The following SUGCT variants were observed in gnomAD, a reference collection of about 807,000 sequenced individuals.
The protein encoded by SUGCT is succinyl-CoA:glutarate-CoA transferase, also known as succinyl-CoA:glutarate CoA-transferase.
A neutral mutation model predicts 55.0 loss-of-function variants in SUGCT; 41 were observed. The ratio of observed to expected loss-of-function variants is 0.74; its 90% confidence interval spans 0.58 to 0.97. The LOEUF (loss-of-function observed/expected upper bound fraction) is 0.97. SUGCT is among the 50% of genes least tolerant of loss of function. The probability of loss-of-function intolerance (pLI) is 0.00; values close to 1 mark genes in which losing one functional copy is unlikely to be tolerated. For synonymous variants in SUGCT, 187 were observed against 200.4 expected (o/e 0.93, Z 0.56); for missense variants, 568 against 547.8 (o/e 1.04, Z -0.37).
At chr7:40,143,558 G>T (rs973958231) in intron 1 of SUGCT, among the ~76,000 whole-genome samples, 1 of 152,238 alleles carries the variant, frequency 6.6e-6, no homozygotes, top group Non-Finnish European at 1.5e-5. Flanking sequence ...CCTGCGGTGC[G>T]CACAAGCATA....
intron 11 of SUGCT, among the ~76,000 whole-genome samples, chr7:40,464,827 G>A (rs1790012630): frequency 6.6e-6 from 1 of 152,220 alleles, no homozygotes; most frequent in East Asian, 1.9e-4. Flanking sequence ...GTAGTGAGCT[G>A]CAGCTCTCAG....
At chr7:40,589,962 G>T (rs774138304) in intron 12 of SUGCT, among the ~76,000 whole-genome samples, 29 of 152,034 alleles carry the variant, frequency 1.9e-4, no homozygotes, top group Non-Finnish European at 2.4e-4. Context: ...AAGTTTTGTG[G>T]CAGCCTTGTG....
At chr7:40,696,054 CTT>C (rs1784922528) in intron 12 of SUGCT, among the ~76,000 whole-genome samples, 1 of 152,186 alleles carries the variant, frequency 6.6e-6, no homozygotes, top group African/African-American at 2.4e-5. Flanking sequence ...TCCTACAGTT[CTT>C]TTCCCGTTTC....
At chr7:40,986,462 A>T in the SUGCT span, among the ~76,000 whole-genome samples, 1 of 152,228 alleles carries the variant, frequency 6.6e-6, no homozygotes. Context: ...TCTATTACAC[A>T]GTAAAACAAA....
intron 11 of SUGCT, among the ~76,000 whole-genome samples, chr7:40,460,385 C>T (rs962081200): frequency 6.6e-6 from 1 of 152,152 alleles, no homozygotes; most frequent in South Asian, 2.1e-4. Flanking sequence ...GATTCTACCG[C>T]GAAGCCCCAG....
chr7:40,411,571 T>G (rs1786694194), intron 9 of SUGCT, among the ~76,000 whole-genome samples: 1 of 152,046 alleles, frequency 6.6e-6, no homozygotes, highest in Non-Finnish European at 1.5e-5. Flanking sequence ...AAAAATTGCA[T>G]CTTAAGAAGA....
Position 40,386,054 on chromosome 7 carries a change from T to C in SUGCT, c.817-63233T>C, listed in dbSNP as rs541595359. Among the ~76,000 whole-genome samples, 6 of 152,264 alleles carry C rather than the reference T, an allele frequency of 3.9e-5. No homozygotes were observed. The East Asian group carries it at 5.8e-4, about 15-fold the overall frequency. The stretch of plus-strand genomic sequence containing the variant: ...ACAAAGAAGTAAGAGTAAAGAAATA[T>C]GTGGTGTTGTCTTGGGGACAGAAGG... On this transcript the variant is annotated intron_variant, in intron 9 of 13. Transcript: ENST00000335693.
At chr7:40,572,136 A>G (rs996566904) in intron 12 of SUGCT, among the ~76,000 whole-genome samples, 1 of 151,950 alleles carries the variant, frequency 6.6e-6, no homozygotes, top group Non-Finnish European at 1.5e-5. Flanking sequence ...TTCGTTCAGG[A>G]TGTGGTCAGT....
intron 12 of SUGCT, among the ~76,000 whole-genome samples, chr7:40,655,599 T>A (rs1360682550): frequency 6.6e-6 from 1 of 152,186 alleles, no homozygotes; most frequent in Non-Finnish European, 1.5e-5. Context: ...AGCCAGGATA[T>A]TCTTTAATGC....
At chr7:40,879,059 TG>T in the SUGCT span, among the ~76,000 whole-genome samples, 14 of 152,156 alleles carry the variant, frequency 9.2e-5, no homozygotes, top group Non-Finnish European at 1.9e-4. Context: ...CCCAAAGTGC[TG>T]GGATTACAGG....
intron 13 of SUGCT, among the ~76,000 whole-genome samples, chr7:40,753,588 C>G (rs1386566012): frequency 6.6e-6 from 1 of 152,148 alleles, no homozygotes; most frequent in Non-Finnish European, 1.5e-5. Flanking sequence ...CTTCTTGCAA[C>G]CAGTACTGAA....
chr7:41,018,138 G>C, the SUGCT span, among the ~76,000 whole-genome samples: 2,046 of 152,042 alleles, frequency 0.013, 46 homozygotes, highest in African/African-American at 0.045. Context: ...TTCTGGAGGG[G>C]CCTGGGGACA....
intron 13 of SUGCT, among the ~76,000 whole-genome samples, chr7:40,819,671 T>G (rs979111811): frequency 1.3e-5 from 2 of 152,242 alleles, no homozygotes; most frequent in Non-Finnish European, 2.9e-5. Context: ...CTTTGTCAGA[T>G]GGGTAGATTG....
At chr7:40,255,478 A>T (rs747165384) in intron 7 of SUGCT, among the ~76,000 whole-genome samples, 1 of 151,618 alleles carries the variant, frequency 6.6e-6, no homozygotes. Flanking sequence ...CCTGGCCAAC[A>T]TGAGGAAACC....
intron 12 of SUGCT, among the ~76,000 whole-genome samples, chr7:40,584,653 C>T (rs1039845877): frequency 1.3e-5 from 2 of 152,200 alleles, no homozygotes; most frequent in Non-Finnish European, 2.9e-5. Context: ...GATGAATAAA[C>T]TGATGACAGG....
the SUGCT span, chr7:40,965,553 T>C: frequency 6.6e-6 from 1 of 152,238 alleles, no homozygotes; most frequent in East Asian, 1.9e-4. Flanking sequence ...ATTGTTGGCC[T>C]ATTTCTAATG....
the SUGCT span, among the ~76,000 whole-genome samples, chr7:40,921,134 T>C: frequency 1.3e-5 from 2 of 152,200 alleles, no homozygotes; most frequent in East Asian, 1.9e-4. Flanking sequence ...CAGATGGAAA[T>C]GTGTTAGTAT....
chr7:40,218,398 A>C (rs1227642498), intron 6 of SUGCT, among the ~76,000 whole-genome samples: 1 of 152,166 alleles, frequency 6.6e-6, no homozygotes, highest in Non-Finnish European at 1.5e-5. Flanking sequence ...TTGTAACTGG[A>C]TGTCATGATC....
chr7:40,728,733 T>C (rs973384636), intron 12 of SUGCT, among the ~76,000 whole-genome samples: 1 of 152,196 alleles, frequency 6.6e-6, no homozygotes, highest in Non-Finnish European at 1.5e-5. Context: ...ATGTAAGTGA[T>C]ATAGAAGACC....
Sources: allele counts gnomAD v4.1 joint callset (sites outside exome capture counted in the v4.1 genomes callset), GRCh38; gene constraint gnomAD v4.1.1; transcripts MANE v1.5; gene names NCBI Gene and HGNC (gene_info 2026-07-23, HGNC 2026-07-21).